KCNH1: variants seen among roughly 807,000 people sequenced by gnomAD.
KCNH1 encodes potassium voltage-gated channel subfamily H member 1.
KCNH1 carries 27 observed loss-of-function variants against 69.2 expected under a neutral mutation model. The ratio of observed to expected loss-of-function variants is 0.39; its 90% CI spans 0.29 to 0.54. The LOEUF is 0.54. Among genes scored for constraint, KCNH1 ranks in the 20% least tolerant of loss-of-function variants. KCNH1 has a pLI of 0.68. For synonymous variants in KCNH1, 456 were observed against 487.7 expected (o/e 0.93, Z 0.86); for missense variants, 798 against 1,261.6 (o/e 0.63, Z 5.57).
In KCNH1 at chr1:210,683,023, T is replaced by C. The variant is rs974518813; in HGVS notation, c.*258A>G. 48 of 500,218 alleles carry C rather than the reference T, an allele frequency of 9.6e-5. No homozygotes were observed. Among genetic ancestry groups the C allele is most frequent in the East Asian group, 3.2e-4 (9 of 28,328 alleles). 31.0% of individuals were successfully genotyped at this position (500,218 alleles called of 1,614,324 possible). A position where few individuals can be genotyped will look rare whatever the true frequency, so the allele number is the denominator to read the frequency against. ...AAATTAAAAATGAAGGAAAATACCC[T>C]TTAGACAGCATGTCCCTTCTTCCAA... On this transcript the variant is annotated 3_prime_UTR_variant, in exon 11 of 11. Coordinates refer to ENST00000271751, the MANE Select transcript of KCNH1 (RefSeq NM_172362.3). The surrounding 1 kb of genome is among the most constrained non-coding windows in gnomAD (Gnocchi z 5.7).
In KCNH1 at chr1:210,808,221, T is replaced by C. The variant is rs371013086; in HGVS notation, c.1463-4055A>G. 8.5e-5 allele frequency among the ~76,000 whole-genome samples: 13 copies of C among 152,214 alleles called. No individual in the cohort carries two copies. In the East Asian group the frequency reaches 1.7e-3, roughly 20 times the overall value. ...TTTCTGATTCACAATGAACCAGGAG[T>C]CACAGGAAAAGAGTAGATGTGCCTC... On this transcript the variant is annotated intron_variant, in intron 7 of 10. Coordinates refer to ENST00000271751, the MANE Select transcript of KCNH1 (RefSeq NM_172362.3).
chr1:210,956,577 G>T, intron 6 of KCNH1, among the ~76,000 whole-genome samples: 2 of 135,044 alleles, frequency 1.5e-5, no homozygotes, highest in African/African-American at 5.7e-5. Context: ...ATTAATTACT[G>T]CCTCAACTTC....
At chr1:210,763,960 A>G (rs1430819441) in intron 10 of KCNH1, among the ~76,000 whole-genome samples, 1 of 152,192 alleles carries the variant, frequency 6.6e-6, no homozygotes, top group Non-Finnish European at 1.5e-5. Flanking sequence ...ACATTATCCA[A>G]CTTCAAAGTA....
chr1:211,023,895 G>T (rs1423120771), intron 5 of KCNH1, among the ~76,000 whole-genome samples: 1 of 152,048 alleles, frequency 6.6e-6, no homozygotes, highest in Non-Finnish European at 1.5e-5. Flanking sequence ...ACAGTAGAGT[G>T]AATAATAATT....
In KCNH1 at chr1:210,846,219, G is replaced by C. The variant is rs181860979; in HGVS notation, c.1463-42053C>G. ...ACCAATGACTTTCTTCACAGAATTGGAAAAAACTACTTTAAAGTTGATATG... is the reference window on the plus strand; with the variant it reads ...ACCAATGACTTTCTTCACAGAATTGCAAAAAACTACTTTAAAGTTGATATG... On this transcript the variant is annotated intron_variant, in intron 7 of 10. Coordinates refer to ENST00000271751, the MANE Select transcript of KCNH1 (RefSeq NM_172362.3). Among the ~76,000 whole-genome samples the C allele has an allele frequency of 2.9e-3, 440 of 152,206 alleles. 3 individuals carry two copies. Among genetic ancestry groups the C allele is most frequent in the African/African-American group, 0.01 (416 of 41,512 alleles).
chr1:210,818,953 T>C (rs1684872829), intron 7 of KCNH1, among the ~76,000 whole-genome samples: 2 of 152,246 alleles, frequency 1.3e-5, no homozygotes, highest in South Asian at 2.1e-4. Context: ...ACAGGCACCA[T>C]TACCTCATCC....
rs908466818 is a variant in KCNH1 at position 211,112,284 on chromosome 1, G to A, written c.80-4907C>T. ...GAGCTCCTCTGCCCCATCCCCCACC[G>A]CCCACCCCCCTCCACCCCTCCACCC... On this transcript the variant is annotated intron_variant, in intron 1 of 10. Transcript: ENST00000271751. Among the ~76,000 whole-genome samples, 3 of 95,830 alleles carry A rather than the reference G, an allele frequency of 3.1e-5. No individual in the cohort carries two copies. The Admixed American group carries it at 3.2e-4, about 10-fold the overall frequency. The allele number at this position is 95,830 out of a possible 152,430, so 62.9% of individuals were successfully genotyped here.
At chr1:211,034,417 A>C (rs1689857197) in intron 5 of KCNH1, among the ~76,000 whole-genome samples, 1 of 150,992 alleles carries the variant, frequency 6.6e-6, no homozygotes, top group South Asian at 2.2e-4. Context: ...TTAAGGAAGG[A>C]GTAAGGGCAG....
chr1:210,935,373 A>T (rs916623097), intron 6 of KCNH1, among the ~76,000 whole-genome samples: 10 of 152,134 alleles, frequency 6.6e-5, no homozygotes, highest in Non-Finnish European at 1.3e-4. Context: ...AGAAGGGGAG[A>T]GGGAATAGGG....
At chr1:210,801,497 C>T (rs114466414) in intron 8 of KCNH1, among the ~76,000 whole-genome samples, 1 of 152,312 alleles carries the variant, frequency 6.6e-6, no homozygotes, top group Non-Finnish European at 1.5e-5. Flanking sequence ...GGACCAGCAC[C>T]TGGGGCAAAT....
rs1387980426 is a variant in KCNH1 at position 210,806,824 on chromosome 1, A to AT, written c.1463-2659_1463-2658insA. ...ATCTCTACCAAAAAAAAAAAAAAAA[A>AT]AAAAAAAAAAAAATATATATATATA... is the stretch of plus-strand genomic sequence containing the variant. On this transcript the variant is annotated intron_variant, in intron 7 of 10. Transcript: ENST00000271751. 4.0e-3 allele frequency among the ~76,000 whole-genome samples: 181 copies of AT among 44,892 alleles called. 10 individuals are homozygous for AT. The highest frequency in any genetic ancestry group is 8.7e-3 in the East Asian group (8 of 918). The allele number at this position is 44,892 out of a possible 152,430, so 29.5% of individuals were successfully genotyped here.
At chr1:211,032,520 G>C (rs1689807698) in intron 5 of KCNH1, among the ~76,000 whole-genome samples, 1 of 152,130 alleles carries the variant, frequency 6.6e-6, no homozygotes. Flanking sequence ...TATACTACAA[G>C]GCTACAGTAA....
intron 5 of KCNH1, among the ~76,000 whole-genome samples, chr1:211,078,933 A>AGG (rs1238659243): frequency 1.3e-5 from 2 of 150,526 alleles, no homozygotes; most frequent in African/African-American, 4.9e-5. Context: ...AAAAAAAAAA[A>AGG]AAAAGAAAGA....
chr1:210,835,721 T>C (rs1685266498), intron 7 of KCNH1, among the ~76,000 whole-genome samples: 1 of 152,168 alleles, frequency 6.6e-6, no homozygotes, highest in African/African-American at 2.4e-5. Flanking sequence ...TGATCTTAAT[T>C]GGTTCATTAT....
chr1:210,748,122 G>C (rs577479876), intron 10 of KCNH1, among the ~76,000 whole-genome samples: 11 of 152,308 alleles, frequency 7.2e-5, no homozygotes, highest in African/African-American at 2.6e-4. Flanking sequence ...CAGGTCCCAG[G>C]GTGATGCATC....
intron 7 of KCNH1, among the ~76,000 whole-genome samples, chr1:210,869,484 CGTGTGTGTGTGTGTGTGTGTGT>C (rs61235458): frequency 1.2e-3 from 165 of 137,016 alleles, no homozygotes; most frequent in African/African-American, 4.5e-3. Flanking sequence ...AGTTATAAGT[CGTGTGTGTGTGTGTGTGTGTGT>C]GTGTGTGTGT....
At chr1:210,842,062 G>A (rs1376049440) in intron 7 of KCNH1, among the ~76,000 whole-genome samples, 2 of 152,038 alleles carry the variant, frequency 1.3e-5, no homozygotes, top group East Asian at 3.9e-4. Context: ...GATAAACACT[G>A]ACCCAACACA....
chr1:210,936,904 C>T (rs535078625), intron 6 of KCNH1, among the ~76,000 whole-genome samples: 2 of 152,220 alleles, frequency 1.3e-5, no homozygotes, highest in African/African-American at 4.8e-5. Flanking sequence ...TTTCCCTTAT[C>T]CCCATCCTAC....
chr1:210,989,404 G>A (rs1239943670), intron 6 of KCNH1, among the ~76,000 whole-genome samples: 1 of 152,138 alleles, frequency 6.6e-6, no homozygotes, highest in East Asian at 1.9e-4. Flanking sequence ...TCCTCAGCTG[G>A]GATATACGCA....
Sources: allele counts gnomAD v4.1 joint callset (sites outside exome capture counted in the v4.1 genomes callset), GRCh38; gene constraint gnomAD v4.1.1; non-coding constraint Gnocchi (gnomAD v3.1); transcripts MANE v1.5; gene names NCBI Gene and HGNC (gene_info 2026-07-23, HGNC 2026-07-21).